Variants in CHRM3 observed in about 807,000 individuals in gnomAD.
The protein encoded by CHRM3 is muscarinic acetylcholine receptor M3.
In CHRM3, 11 loss-of-function variants were observed where a neutral mutation model predicts 41.8. The observed-to-expected ratio is 0.26, with a 90% CI of 0.17 to 0.44. The LOEUF is 0.44. Ranked by LOEUF, CHRM3 falls within the 20% of genes least tolerant of loss-of-function variation. CHRM3 has a pLI of 1.00. For missense variants in CHRM3, 571 were observed against 745.4 expected, an observed-to-expected ratio of 0.77 and a Z score of 2.72; for synonymous variants, 297 against 301.4, an observed-to-expected ratio of 0.99 and a Z score of 0.15.
chr1:239,491,630 G>A (rs1316226630), intron 1 of CHRM3, among the ~76,000 whole-genome samples: 1 of 152,136 alleles, frequency 6.6e-6, no homozygotes, highest in African/African-American at 2.4e-5. Context: ...ATTGTGAATA[G>A]TGCCACAATA....
intron 6 of CHRM3, among the ~76,000 whole-genome samples, chr1:239,865,425 G>A (rs1322901741): frequency 6.6e-6 from 1 of 152,216 alleles, no homozygotes; most frequent in African/African-American, 2.4e-5. Flanking sequence ...TACATTTTCA[G>A]TAAATCTATA....
At chr1:239,666,198 T>C (rs1387421734) in intron 4 of CHRM3, among the ~76,000 whole-genome samples, 1 of 152,000 alleles carries the variant, frequency 6.6e-6, no homozygotes, top group Non-Finnish European at 1.5e-5. Context: ...CTGACTTTTT[T>C]TTTTTTTGGC....
At chr1:239,694,251 G>T (rs1659976300) in intron 5 of CHRM3, among the ~76,000 whole-genome samples, 2 of 152,202 alleles carry the variant, frequency 1.3e-5, no homozygotes, top group African/African-American at 2.4e-5. Flanking sequence ...AAAAACTTAT[G>T]ATTGTAATGA....
intron 1 of CHRM3, among the ~76,000 whole-genome samples, chr1:239,388,569 C>A (rs193078225): frequency 6.6e-6 from 1 of 152,290 alleles, no homozygotes; most frequent in East Asian, 1.9e-4. Context: ...TTAAGAGAGA[C>A]TATGAACATA....
At position 239,542,379 on chromosome 1, in the gene CHRM3, C is replaced by G. The variant is rs139642697; in HGVS notation, c.-421-3262C>G. On this transcript the variant is annotated intron_variant, in intron 2 of 6. Transcript: ENST00000676153. ...ATCTACTCAGAGAAAACAGGAGGAG[C>G]AAAGTCAAGTATGGAGCGTAGGAGA... Among the ~76,000 whole-genome samples the G allele has an allele frequency of 5.3e-3, 802 of 152,152 alleles. 26 individuals carry two copies. The highest frequency in any genetic ancestry group is 0.047 in the Admixed American group (710 of 15,268).
chr1:239,496,319 A>T (rs143646395), intron 2 of CHRM3, among the ~76,000 whole-genome samples: 2 of 152,054 alleles, frequency 1.3e-5, no homozygotes, highest in East Asian at 1.9e-4. Flanking sequence ...GTAAAATTCC[A>T]CTCCTATACT....
chr1:239,799,710 G>C (rs1316123266), intron 5 of CHRM3, among the ~76,000 whole-genome samples: 2 of 152,070 alleles, frequency 1.3e-5, no homozygotes, highest in Admixed American at 6.6e-5. Flanking sequence ...GTTGTCTTTA[G>C]GCAAAAAATG....
At chr1:239,634,353 T>C (rs1385119734) in intron 4 of CHRM3, among the ~76,000 whole-genome samples, 2 of 90,458 alleles carry the variant, frequency 2.2e-5, no homozygotes, top group East Asian at 8.2e-4. Context: ...GGAATAAAGA[T>C]AGAGAGCAAA....
chr1:239,453,862 C>A (rs1374431175), intron 1 of CHRM3, among the ~76,000 whole-genome samples: 1 of 152,102 alleles, frequency 6.6e-6, no homozygotes, highest in African/African-American at 2.4e-5. Flanking sequence ...CTCAAAACCA[C>A]AACACAGGTG....
intron 5 of CHRM3, among the ~76,000 whole-genome samples, chr1:239,809,402 T>G (rs1321597048): frequency 6.6e-6 from 1 of 152,166 alleles, no homozygotes; most frequent in African/African-American, 2.4e-5. Context: ...CAATGTCTGT[T>G]CGCCCACTTC....
intron 1 of CHRM3, among the ~76,000 whole-genome samples, chr1:239,454,762 A>T (rs1432054518): frequency 6.6e-6 from 1 of 152,156 alleles, no homozygotes; most frequent in Non-Finnish European, 1.5e-5. Flanking sequence ...AAATACAATT[A>T]TATACCATAT....
intron 6 of CHRM3, among the ~76,000 whole-genome samples, chr1:239,889,222 G>C (rs567057904): frequency 6.6e-6 from 1 of 152,156 alleles, no homozygotes; most frequent in African/African-American, 2.4e-5. Context: ...CATAGAGCAC[G>C]GAAGATTGGT....
intron 5 of CHRM3, among the ~76,000 whole-genome samples, chr1:239,815,041 T>G (rs1008891498): frequency 5.9e-5 from 9 of 152,030 alleles, no homozygotes; most frequent in Admixed American, 5.2e-4. Flanking sequence ...CTCCCAAAGT[T>G]CTGGGATTAC....
At chr1:239,404,159 G>C (rs1366841208) in intron 1 of CHRM3, among the ~76,000 whole-genome samples, 1 of 150,852 alleles carries the variant, frequency 6.6e-6, no homozygotes, top group South Asian at 2.1e-4. Context: ...CGTGGTGGTG[G>C]GCACCTGTAG....
intron 3 of CHRM3, among the ~76,000 whole-genome samples, chr1:239,605,228 T>C (rs557592030): frequency 6.6e-6 from 1 of 152,288 alleles, no homozygotes; most frequent in East Asian, 1.9e-4. Context: ...TTTCCATCAA[T>C]GAGGGACAGT....
intron 5 of CHRM3, among the ~76,000 whole-genome samples, chr1:239,694,254 T>G (rs1169203135): frequency 6.6e-6 from 1 of 152,212 alleles, no homozygotes; most frequent in Non-Finnish European, 1.5e-5. Context: ...AACTTATGAT[T>G]GTAATGAAGA....
intron 1 of CHRM3, among the ~76,000 whole-genome samples, chr1:239,442,007 A>G (rs1279047023): frequency 1.3e-5 from 2 of 152,244 alleles, no homozygotes; most frequent in Non-Finnish European, 2.9e-5. Flanking sequence ...ATACCTAGAA[A>G]GGAGATAGAC....
rs548901554 is a variant in CHRM3 at position 239,913,810 on chromosome 1, C to T, written c.*4586C>T. ...ATGAGCAAGTGTTAGTATTATTAGG[C>T]ACACATCACGTTCACAGCTTCGCGC... On this transcript the variant is annotated 3_prime_UTR_variant, in exon 7 of 7. Transcript: ENST00000676153. 6.0e-6 allele frequency: 1 copy of T among 167,234 alleles called. No homozygotes were observed. The highest frequency in any genetic ancestry group is 1.9e-4 in the East Asian group (1 of 5,190). The allele number at this position is 167,234 out of a possible 1,614,324, so 10.4% of individuals were successfully genotyped here.
chr1:239,895,485 A>G (rs1678918786), intron 6 of CHRM3, among the ~76,000 whole-genome samples: 2 of 152,214 alleles, frequency 1.3e-5, no homozygotes, highest in Admixed American at 1.3e-4. Context: ...AACTATTACA[A>G]ATTGTTCTAC....
Sources: allele counts gnomAD v4.1 joint callset (sites outside exome capture counted in the v4.1 genomes callset), GRCh38; gene constraint gnomAD v4.1.1; transcripts MANE v1.5; gene names NCBI Gene and HGNC (gene_info 2026-07-23, HGNC 2026-07-21).